FAM53B: variants seen among roughly 807,000 people sequenced by gnomAD.
FAM53B encodes the protein family with sequence similarity 53 member B, also known as protein FAM53B.
Under a neutral mutation model 32.7 loss-of-function variants are expected in FAM53B, and 12 were observed. The observed-to-expected ratio is 0.37, with a 90% CI of 0.24 to 0.59. The LOEUF (loss-of-function observed/expected upper bound fraction) is 0.59. Among genes scored for constraint, FAM53B ranks in the 20% least tolerant of loss-of-function variants. The pLI, the probability that FAM53B is intolerant of heterozygous loss-of-function variation, is 0.72. For synonymous variants in FAM53B, 234 were observed against 228.7 expected (o/e 1.02, Z -0.21); for missense variants, 477 against 577.7 (o/e 0.83, Z 1.79).
At chr10:124,727,346 GC>G (rs1950112301) in intron 1 of FAM53B, among the ~76,000 whole-genome samples, 11 of 44,860 alleles carry the variant, frequency 2.5e-4, no homozygotes, top group South Asian at 8.2e-4. Flanking sequence ...GGGGGGGGGT[GC>G]GGGGGTACAA....
At chr10:124,697,103 C>T (rs144247700) in intron 2 of FAM53B, among the ~76,000 whole-genome samples, 42 of 152,250 alleles carry the variant, frequency 2.8e-4, no homozygotes, top group African/African-American at 9.9e-4. Flanking sequence ...TGAGCAGAGA[C>T]TACCCAGCCA....
intron 4 of FAM53B, among the ~76,000 whole-genome samples, chr10:124,629,375 A>T (rs1335431019): frequency 6.6e-6 from 1 of 152,216 alleles, no homozygotes; most frequent in Non-Finnish European, 1.5e-5. Context: ...TGGCGGGACC[A>T]GCTGCGTTTC....
At chr10:124,735,719 G>A (rs921294795) in intron 1 of FAM53B, among the ~76,000 whole-genome samples, 1 of 152,206 alleles carries the variant, frequency 6.6e-6, no homozygotes, top group African/African-American at 2.4e-5. Context: ...ACTCACTAAT[G>A]TCTGGTGGGC....
At chr10:124,664,715 C>A (rs909242885) in intron 4 of FAM53B, among the ~76,000 whole-genome samples, 1 of 152,224 alleles carries the variant, frequency 6.6e-6, no homozygotes. Context: ...GGGATAGTCC[C>A]GTATTCCAAA....
At chr10:124,712,606 C>T (rs1280697087) in intron 1 of FAM53B, among the ~76,000 whole-genome samples, 1 of 152,152 alleles carries the variant, frequency 6.6e-6, no homozygotes, top group Non-Finnish European at 1.5e-5. Flanking sequence ...TCCCAGTCCC[C>T]ACATTCACCT....
At chr10:124,694,039 C>T (rs1359137351) in intron 3 of FAM53B, among the ~76,000 whole-genome samples, 1 of 152,216 alleles carries the variant, frequency 6.6e-6, no homozygotes, top group East Asian at 1.9e-4. Flanking sequence ...GGCCGACCAA[C>T]AGAAAGATGA....
At chr10:124,698,963 A>G (rs1217187513) in intron 2 of FAM53B, among the ~76,000 whole-genome samples, 4 of 151,734 alleles carry the variant, frequency 2.6e-5, no homozygotes, top group African/African-American at 9.7e-5. Context: ...CACTCACACC[A>G]CCCAGTGGGG....
intron 4 of FAM53B, among the ~76,000 whole-genome samples, chr10:124,676,259 C>T (rs1378384464): frequency 6.6e-6 from 1 of 152,214 alleles, no homozygotes; most frequent in Non-Finnish European, 1.5e-5. Context: ...ACCTCTCTCA[C>T]TAGATCTTCA....
intron 1 of FAM53B, among the ~76,000 whole-genome samples, chr10:124,735,733 A>C (rs1294123967): frequency 6.6e-6 from 1 of 152,126 alleles, no homozygotes; most frequent in Non-Finnish European, 1.5e-5. Flanking sequence ...GGTGGGCTCT[A>C]AGTGTCCTCA....
chr10:124,629,054 T>C (rs937527000), intron 4 of FAM53B, among the ~76,000 whole-genome samples: 1 of 152,274 alleles, frequency 6.6e-6, no homozygotes, highest in Non-Finnish European at 1.5e-5. Context: ...TGGGTGTTAA[T>C]GTAGTTATAG....
intron 4 of FAM53B, chr10:124,623,848 A>G: frequency 2.0e-6 from 1 of 491,550 alleles, no homozygotes; most frequent in South Asian, 3.0e-5. Flanking sequence ...AACTCGGCAA[A>G]GCACACAAAT....
chr10:124,708,715 C>T (rs773142202), intron 1 of FAM53B, among the ~76,000 whole-genome samples: 6 of 152,214 alleles, frequency 3.9e-5, no homozygotes, highest in African/African-American at 9.7e-5. Context: ...TAATGGCAGC[C>T]GTCATGTTTC....
At chr10:124,738,378 C>A (rs1213156740) in intron 1 of FAM53B, among the ~76,000 whole-genome samples, 1 of 151,182 alleles carries the variant, frequency 6.6e-6, no homozygotes, top group Non-Finnish European at 1.5e-5. Flanking sequence ...TTTTTTCCAA[C>A]CTTCCCAGGT....
chr10:124,647,823 G>A (rs908902151), intron 4 of FAM53B, among the ~76,000 whole-genome samples: 11 of 152,226 alleles, frequency 7.2e-5, no homozygotes, highest in African/African-American at 2.7e-4. Flanking sequence ...AGACACAGGA[G>A]GAGCTTCATA....
intron 3 of FAM53B, among the ~76,000 whole-genome samples, chr10:124,692,909 C>T (rs750912526): frequency 6.6e-6 from 1 of 152,072 alleles, no homozygotes; most frequent in Non-Finnish European, 1.5e-5. Flanking sequence ...GAAACTTGAA[C>T]TCATACTGGC....
Position 124,736,660 on chromosome 10 carries a change from A to C in FAM53B, c.-175+7353T>G, listed in dbSNP as rs546579214. On this transcript the variant is annotated intron_variant, in intron 1 of 4. Transcript: ENST00000337318. ...TCAGGGTGCTTCAGGCTTCAGCCAG[A>C]GGGCAGCCTGGGAGGGAGGGTGGCC... Among the ~76,000 whole-genome samples, 13 of 152,358 alleles carry C rather than the reference A, an allele frequency of 8.5e-5. 1 individual carries two copies. The South Asian group carries it at 2.7e-3, about 32-fold the overall frequency.
intron 1 of FAM53B, among the ~76,000 whole-genome samples, chr10:124,730,637 C>A (rs925497550): frequency 6.6e-6 from 1 of 152,218 alleles, no homozygotes; most frequent in Non-Finnish European, 1.5e-5. Context: ...GAACACTCTG[C>A]AATGACAGCA....
chr10:124,719,265 C>T (rs1199908647), intron 1 of FAM53B, among the ~76,000 whole-genome samples: 1 of 152,030 alleles, frequency 6.6e-6, no homozygotes, highest in African/African-American at 2.4e-5. Context: ...GAAAGGGGCA[C>T]CTCATTTGCA....
At chr10:124,677,266 T>C (rs1185170553) in intron 4 of FAM53B, among the ~76,000 whole-genome samples, 2 of 152,020 alleles carry the variant, frequency 1.3e-5, no homozygotes, top group African/African-American at 2.4e-5. Flanking sequence ...GTAAGGAAAA[T>C]GTCAGCAAAA....
Sources: allele counts gnomAD v4.1 joint callset (sites outside exome capture counted in the v4.1 genomes callset), GRCh38; gene constraint gnomAD v4.1.1; transcripts MANE v1.5; gene names NCBI Gene and HGNC (gene_info 2026-07-23, HGNC 2026-07-21).